Variants in DRC8 observed in about 807,000 individuals in gnomAD.
DRC8 encodes dynein regulatory complex protein 8.
chr1:245,072,175 A>C, the DRC8 span, among the ~76,000 whole-genome samples: 1 of 152,260 alleles, frequency 6.6e-6, no homozygotes, highest in Non-Finnish European at 1.5e-5. Flanking sequence ...AGCAACCAAG[A>C]TGTCCTTTAG....
At chr1:245,083,711 C>G in the DRC8 span, 1 of 1,595,622 alleles carries the variant, frequency 6.3e-7, no homozygotes, top group Non-Finnish European at 8.5e-7. Context: ...TATTACTTAT[C>G]ACAATGACTT....
At chr1:245,081,192 C>T in the DRC8 span, among the ~76,000 whole-genome samples, 13 of 151,008 alleles carry the variant, frequency 8.6e-5, no homozygotes, top group South Asian at 4.2e-4. Context: ...GACGGAGTCT[C>T]GCTCTGTCAC....
the DRC8 span, among the ~76,000 whole-genome samples, chr1:244,994,018 C>T: frequency 1.3e-5 from 2 of 152,072 alleles, no homozygotes; most frequent in Non-Finnish European, 2.9e-5. Flanking sequence ...AGTCGTGGTT[C>T]ATAAAACTGA....
the DRC8 span, among the ~76,000 whole-genome samples, chr1:245,059,135 T>C: frequency 5.3e-5 from 8 of 152,250 alleles, no homozygotes; most frequent in Non-Finnish European, 1.2e-4. Context: ...CCAATGTTTC[T>C]TTTTCTTTCT....
chr1:245,057,079 G>T, the DRC8 span, among the ~76,000 whole-genome samples: 4 of 152,212 alleles, frequency 2.6e-5, no homozygotes, highest in Non-Finnish European at 5.9e-5. Flanking sequence ...AGAAACAGCT[G>T]GTGTAGTTAC....
chr1:245,073,524 G>A, the DRC8 span, among the ~76,000 whole-genome samples: 2 of 152,044 alleles, frequency 1.3e-5, no homozygotes, highest in African/African-American at 4.8e-5. Context: ...TCCAGGGGAC[G>A]GGGCGTGGCA....
At chr1:245,118,659 T>C in the DRC8 span, among the ~76,000 whole-genome samples, 1 of 151,504 alleles carries the variant, frequency 6.6e-6, no homozygotes, top group Non-Finnish European at 1.5e-5. Flanking sequence ...GGCGTGGTGG[T>C]GCATGCCTGT....
chr1:245,105,646 C>CA, the DRC8 span, among the ~76,000 whole-genome samples: 3 of 142,610 alleles, frequency 2.1e-5, no homozygotes, highest in Non-Finnish European at 3.1e-5. Context: ...AAACAAAAAA[C>CA]AAAAACAAAA....
chr1:245,120,931 G>A, the DRC8 span, among the ~76,000 whole-genome samples: 4,547 of 152,366 alleles, frequency 0.03, 238 homozygotes, highest in African/African-American at 0.1. Context: ...CTTTTACAAA[G>A]ACCGGACAGT....
chr1:245,014,961 AGTTAT>A, the DRC8 span, among the ~76,000 whole-genome samples: 1 of 152,192 alleles, frequency 6.6e-6, no homozygotes, highest in Non-Finnish European at 1.5e-5. Context: ...AATGATGAGT[AGTTAT>A]GTTAGGGGGA....
chr1:245,081,200 C>T, the DRC8 span, among the ~76,000 whole-genome samples: 1 of 150,322 alleles, frequency 6.7e-6, no homozygotes, highest in East Asian at 2.0e-4. Flanking sequence ...CTCGCTCTGT[C>T]ACGCAGGCTG....
At chr1:245,037,702 A>G in the DRC8 span, among the ~76,000 whole-genome samples, 7 of 152,310 alleles carry the variant, frequency 4.6e-5, no homozygotes, top group South Asian at 8.3e-4. Flanking sequence ...AGAAAGAACT[A>G]TCTTTATTCA....
At chr1:244,993,492 G>C in the DRC8 span, among the ~76,000 whole-genome samples, 2 of 152,156 alleles carry the variant, frequency 1.3e-5, no homozygotes, top group Admixed American at 6.5e-5. Flanking sequence ...TTGATCTATA[G>C]ACCTGTGAAC....
At chr1:245,113,339 C>T in the DRC8 span, among the ~76,000 whole-genome samples, 3,003 of 152,246 alleles carry the variant, frequency 0.02, 107 homozygotes, top group East Asian at 0.14. Context: ...TTTCAGGGAT[C>T]TTAACTCAAT....
the DRC8 span, among the ~76,000 whole-genome samples, chr1:245,007,840 G>C: frequency 1.3e-5 from 2 of 152,088 alleles, no homozygotes; most frequent in African/African-American, 4.8e-5. Context: ...AATGACTTTG[G>C]GGTAGTGCTT....
At chr1:245,081,161 CTA>C in the DRC8 span, among the ~76,000 whole-genome samples, 1 of 147,344 alleles carries the variant, frequency 6.8e-6, no homozygotes, top group African/African-American at 2.5e-5. Context: ...TTTTATTTAT[CTA>C]TATATATATA....
At chr1:245,033,345 C>T in the DRC8 span, among the ~76,000 whole-genome samples, 233 of 152,298 alleles carry the variant, frequency 1.5e-3, no homozygotes, top group African/African-American at 5.3e-3. Flanking sequence ...TGTATTCTGC[C>T]GAGTTCTCCT....
At chr1:245,124,583 C>T in the DRC8 span, 1 of 152,166 alleles carries the variant, frequency 6.6e-6, no homozygotes, top group Non-Finnish European at 1.5e-5. Context: ...TTTGCATCCC[C>T]GTTGTTCCTA....
chr1:245,081,996 C>G, the DRC8 span: 1 of 1,091,618 alleles, frequency 9.2e-7, no homozygotes, highest in Non-Finnish European at 1.4e-6. Flanking sequence ...TCCAGAGTCT[C>G]TAGCACTTGG....
Sources: gnomAD v4.1 joint callset for allele counts (sites outside exome capture counted in the v4.1 genomes callset) on GRCh38, gnomAD v4.1.1 for gene constraint, MANE v1.5 for transcripts, NCBI Gene and HGNC (gene_info 2026-07-23, HGNC 2026-07-21) for gene names.